FAM168B: variants seen among roughly 807,000 people sequenced by gnomAD.
FAM168B encodes the protein family with sequence similarity 168 member B.
A neutral mutation model predicts 21.8 loss-of-function variants in FAM168B; 19 were observed. That is an observed-to-expected ratio of 0.87 (90% CI 0.61 to 1.28). The LOEUF (loss-of-function observed/expected upper bound fraction) is 1.28. Ranked by LOEUF, FAM168B falls within the 50% of genes most tolerant of loss-of-function variation. The pLI, the probability that FAM168B is intolerant of heterozygous loss-of-function variation, is 0.00. For synonymous variants in FAM168B, 126 were observed against 104.8 expected, an observed-to-expected ratio of 1.20 and a Z score of -1.24; for missense variants, 233 against 263.1, an observed-to-expected ratio of 0.89 and a Z score of 0.79.
Position 131,052,927 on chromosome 2 carries a change from G to T in FAM168B, c.564C>A (p.Tyr188Ter), listed in dbSNP as rs1447613675. ...PTYRAPGTPT[Y>*]SYVPPQW ...ATCACCACTGAGGGGGCACATAGCTGTAAGTGGGCGTTCCTGGGGCCCGGT... is the reference window on the plus strand; with the variant it reads ...ATCACCACTGAGGGGGCACATAGCTTTAAGTGGGCGTTCCTGGGGCCCGGT... The change falls in exon 6 of 7, where the codon TAC becomes TAA. Residue 188 changes from tyrosine to a stop codon, truncating the protein, a stop_gained. Coordinates refer to ENST00000389915, the MANE Select transcript of FAM168B (RefSeq NM_001009993.4). LOFTEE classifies it high-confidence loss of function. 1.3e-6 allele frequency: 2 copies of T among 1,562,070 alleles called. No individual in the cohort carries two copies. The highest frequency in any genetic ancestry group is 8.7e-7 in the Non-Finnish European group (1 of 1,152,348).
intron 2 of FAM168B, among the ~76,000 whole-genome samples, chr2:131,079,244 A>G (rs1401882633): frequency 6.6e-6 from 1 of 152,024 alleles, no homozygotes; most frequent in Non-Finnish European, 1.5e-5. Context: ...TTGGGAGGCC[A>G]ATCACCTGAG....
chr2:131,052,286 C>G lies in FAM168B; in HGVS notation c.*179G>C. 1 of 985,922 alleles carries G rather than the reference C, an allele frequency of 1.0e-6. No homozygotes were observed. The highest frequency in any genetic ancestry group is 4.7e-5 in the South Asian group (1 of 21,290). The allele number at this position is 985,922 out of a possible 1,614,324, so 61.1% of individuals were successfully genotyped here. On this transcript the variant is annotated 3_prime_UTR_variant, in exon 7 of 7. Transcript: ENST00000389915. ...CAGAATTTGCTTTAAGACCAACCCACAGAGTCAGCTGGAGACTAACGGCGC... is the reference window on the plus strand; with the variant it reads ...CAGAATTTGCTTTAAGACCAACCCAGAGAGTCAGCTGGAGACTAACGGCGC...
At position 131,048,132 on chromosome 2, in the gene FAM168B, A is replaced by G; in HGVS notation, c.*4333T>C. The G allele has an allele frequency of 4.2e-6, 5 of 1,195,256 alleles. No homozygotes were observed. The highest frequency in any genetic ancestry group is 1.6e-5 in the African/African-American group (1 of 63,052). 74.0% of individuals were successfully genotyped at this position (1,195,256 alleles called of 1,614,324 possible). On this transcript the variant is annotated 3_prime_UTR_variant, in exon 7 of 7. Coordinates refer to ENST00000389915, the MANE Select transcript of FAM168B (RefSeq NM_001009993.4). ...GACAATGCTGACTTAGCTTAAAAAA[A>G]GTACCGAGAGAACGGTGTAAAAAAC...
Position 131,055,267 on chromosome 2 carries a change from CT to C in FAM168B, c.475+4del. The C allele has an allele frequency of 6.4e-7, 1 of 1,552,876 alleles. No individual in the cohort carries two copies. Among genetic ancestry groups the C allele is most frequent in the Non-Finnish European group, 8.6e-7 (1 of 1,156,122 alleles). On this transcript the variant is annotated splice_donor_region_variant and intron_variant, in intron 5 of 6. Coordinates refer to ENST00000389915, the MANE Select transcript of FAM168B (RefSeq NM_001009993.4). Reference sequence around the variant, plus strand: ...AGGACAGACACCGCAGGAACGAGGACTTACCTGCTGACATGGCCATGGTGGT... The same window carrying C: ...AGGACAGACACCGCAGGAACGAGGACTACCTGCTGACATGGCCATGGTGGT...
At chr2:131,063,541 G>A (rs1167404728) in intron 3 of FAM168B, among the ~76,000 whole-genome samples, 4 of 152,182 alleles carry the variant, frequency 2.6e-5, no homozygotes, top group Admixed American at 1.3e-4. Flanking sequence ...CACTTTAGAA[G>A]GCCAAGATGG....
chr2:131,053,223 C>T (rs1333041669), intron 5 of FAM168B, among the ~76,000 whole-genome samples: 1 of 152,196 alleles, frequency 6.6e-6, no homozygotes, highest in Non-Finnish European at 1.5e-5. Flanking sequence ...ACAATATGTT[C>T]GTAAAAGCCT....
At chr2:131,086,492 G>A (rs1203193167) in intron 1 of FAM168B, among the ~76,000 whole-genome samples, 4 of 152,102 alleles carry the variant, frequency 2.6e-5, no homozygotes. Flanking sequence ...CACACCTGTG[G>A]TCCCAGCTAC....
intron 1 of FAM168B, among the ~76,000 whole-genome samples, chr2:131,091,269 G>A (rs1694007026): frequency 6.6e-6 from 1 of 152,054 alleles, no homozygotes; most frequent in South Asian, 2.1e-4. Context: ...AACCCGGGAG[G>A]AGGAGGTTGC....
Position 131,051,985 on chromosome 2 carries a change from T to C in FAM168B, c.*480A>G, listed in dbSNP as rs1691707177. Reference sequence around the variant, plus strand: ...AAAGGTTGAAGAATCATCTAAGATATTTCAGATGCTCTATGAAGAAATTCA... The same window carrying C: ...AAAGGTTGAAGAATCATCTAAGATACTTCAGATGCTCTATGAAGAAATTCA... On this transcript the variant is annotated 3_prime_UTR_variant, in exon 7 of 7. Coordinates refer to ENST00000389915, the MANE Select transcript of FAM168B (RefSeq NM_001009993.4). 6.1e-6 allele frequency: 6 copies of C among 985,618 alleles called. No individual in the cohort carries two copies. In the South Asian group the frequency reaches 1.4e-4, roughly 23 times the overall value. The allele number at this position is 985,618 out of a possible 1,614,324, so 61.1% of individuals were successfully genotyped here.
chr2:131,052,295 C>A lies in FAM168B; in HGVS notation c.*170G>T. 1.0e-6 allele frequency: 1 copy of A among 985,970 alleles called. No individual in the cohort carries two copies. The highest frequency in any genetic ancestry group is 1.2e-6 in the Non-Finnish European group (1 of 830,006). The allele number at this position is 985,970 out of a possible 1,614,324, so 61.1% of individuals were successfully genotyped here. On this transcript the variant is annotated 3_prime_UTR_variant, in exon 7 of 7. Transcript: ENST00000389915. ...CTTTAAGACCAACCCACAGAGTCAGCTGGAGACTAACGGCGCTGGGGCCTG... is the reference window on the plus strand; with the variant it reads ...CTTTAAGACCAACCCACAGAGTCAGATGGAGACTAACGGCGCTGGGGCCTG...
rs1183606608 is a variant in FAM168B at position 131,049,960 on chromosome 2, AC to A, written c.*2504del. 32 of 985,504 alleles carry A rather than the reference AC, an allele frequency of 3.2e-5. No individual in the cohort carries two copies. Among genetic ancestry groups the A allele is most frequent in the Non-Finnish European group, 3.7e-5 (31 of 829,940 alleles). The allele number at this position is 985,504 out of a possible 1,614,324, so 61.0% of individuals were successfully genotyped here. On this transcript the variant is annotated 3_prime_UTR_variant, in exon 7 of 7. Coordinates refer to ENST00000389915, the MANE Select transcript of FAM168B (RefSeq NM_001009993.4). The stretch of plus-strand genomic sequence containing the variant: ...AAGTCCAGATTCTTACCTGATATCT[AC>A]CTTTCGTATCTGACAGCTGACGTCC...
Position 131,048,224 on chromosome 2 carries a change from G to GCT in FAM168B, c.*4239_*4240dup. On this transcript the variant is annotated 3_prime_UTR_variant, in exon 7 of 7. Coordinates refer to ENST00000389915, the MANE Select transcript of FAM168B (RefSeq NM_001009993.4). ...TTCTTCTTTAGTTACAATCCATGAG[G>GCT]CTCTCTAGGGCCTCTCCGTGTGGCC... The GCT allele has an allele frequency of 7.7e-7, 1 of 1,296,156 alleles. No homozygotes were observed. Among genetic ancestry groups the GCT allele is most frequent in the Non-Finnish European group, 1.0e-6 (1 of 983,516 alleles). The allele number at this position is 1,296,156 out of a possible 1,614,324, so 80.3% of individuals were successfully genotyped here.
chr2:131,068,618 C>A (rs763556161), intron 3 of FAM168B, among the ~76,000 whole-genome samples: 1 of 152,154 alleles, frequency 6.6e-6, no homozygotes, highest in Non-Finnish European at 1.5e-5. Context: ...GCAGTTGCTA[C>A]CTGCCTGTCC....
At chr2:131,082,027 C>T (rs540646354) in intron 2 of FAM168B, among the ~76,000 whole-genome samples, 57 of 152,292 alleles carry the variant, frequency 3.7e-4, no homozygotes, top group African/African-American at 1.2e-3. Context: ...GACCAACCAG[C>T]TCCTATCCCC....
chr2:131,066,361 G>A (rs1455786694), intron 3 of FAM168B, among the ~76,000 whole-genome samples: 2 of 152,034 alleles, frequency 1.3e-5, no homozygotes, highest in African/African-American at 4.8e-5. Context: ...ATTTTTAGTA[G>A]AGACGGGGTT....
intron 1 of FAM168B, among the ~76,000 whole-genome samples, chr2:131,085,922 T>G (rs1693672893): frequency 6.6e-6 from 1 of 152,208 alleles, no homozygotes; most frequent in Non-Finnish European, 1.5e-5. Context: ...ACTGTGAGAT[T>G]GATCTTTTAG....
At chr2:131,071,579 C>G (rs577968489) in intron 3 of FAM168B, among the ~76,000 whole-genome samples, 45 of 152,310 alleles carry the variant, frequency 3.0e-4, no homozygotes, top group African/African-American at 1.1e-3. Flanking sequence ...TCTTCAATTT[C>G]TAGTAGGTGA....
At chr2:131,073,950 G>A (rs989113518) in intron 2 of FAM168B, among the ~76,000 whole-genome samples, 11 of 152,250 alleles carry the variant, frequency 7.2e-5, no homozygotes, top group Middle Eastern at 3.4e-3. Flanking sequence ...TAATATGAAC[G>A]AAACAGAAAC....
intron 1 of FAM168B, among the ~76,000 whole-genome samples, chr2:131,085,572 A>G (rs970732002): frequency 6.6e-5 from 10 of 152,242 alleles, no homozygotes; most frequent in African/African-American, 2.2e-4. Context: ...TGTCTCATTT[A>G]GAATATTCAC....
Sources: allele counts gnomAD v4.1 joint callset (sites outside exome capture counted in the v4.1 genomes callset), GRCh38; gene constraint gnomAD v4.1.1; transcripts MANE v1.5; gene names NCBI Gene and HGNC (gene_info 2026-07-23, HGNC 2026-07-21).